The following AHR variants were observed in gnomAD, a reference collection of about 807,000 sequenced individuals.
The protein encoded by AHR is AH-receptor.
AHR carries 40 observed loss-of-function variants against 86.8 expected under a neutral mutation model. That is an observed-to-expected ratio of 0.46 (90% CI 0.36 to 0.60). The LOEUF is 0.60. Among genes scored for constraint, AHR ranks in the 20% least tolerant of loss-of-function variants. The probability of loss-of-function intolerance (pLI) is 0.00; values close to 1 mark genes in which losing one functional copy is unlikely to be tolerated. For missense variants in AHR, 1,001 were observed against 1,011.6 expected (o/e 0.99, Z 0.14); for synonymous variants, 398 against 354.9 (o/e 1.12, Z -1.37).
At chr7:17,336,317 G>A (rs141455224) in intron 9 of AHR, among the ~76,000 whole-genome samples, 234 of 152,006 alleles carry the variant, frequency 1.5e-3, no homozygotes, top group African/African-American at 2.8e-3. Context: ...ATTGTTTCCC[G>A]GCTGCGCTGT....
chr7:17,307,134 C>T lies in AHR; in HGVS notation c.66-2802C>T, dbSNP rs180792600. 2.0e-5 allele frequency among the ~76,000 whole-genome samples: 3 copies of T among 152,090 alleles called. No homozygotes were observed. In the East Asian group the frequency reaches 5.8e-4, roughly 29 times the overall value. ...GAGGCTGAATATTGCAAAGAGCCAG[C>T]ACAAGACAGGCAGCAGTACCACATG... On this transcript the variant is annotated intron_variant, in intron 1 of 10. Coordinates refer to ENST00000242057, the MANE Select transcript of AHR (RefSeq NM_001621.5).
intron 5 of AHR, 142 bp from the exon 6 acceptor site, chr7:17,330,614 T>TG: frequency 1.5e-6 from 1 of 650,284 alleles, no homozygotes; most frequent in Non-Finnish European, 2.3e-6. Flanking sequence ...TTTAGTTTCT[T>TG]GTCATTAGCT....
chr7:17,340,667 T>C (rs1475660177), intron 10 of AHR, among the ~76,000 whole-genome samples: 1 of 152,196 alleles, frequency 6.6e-6, no homozygotes, highest in Non-Finnish European at 1.5e-5. Context: ...TTTTTATATA[T>C]GTTTGAAATT....
At chr7:17,328,870 G>T (rs1433880402) in intron 4 of AHR, among the ~76,000 whole-genome samples, 1 of 151,916 alleles carries the variant, frequency 6.6e-6, no homozygotes, top group Non-Finnish European at 1.5e-5. Context: ...TTTAAGTGTA[G>T]ATGACTAAAG....
At chr7:17,308,007 G>T (rs147535271) in intron 1 of AHR, among the ~76,000 whole-genome samples, 1 of 152,044 alleles carries the variant, frequency 6.6e-6, no homozygotes, top group African/African-American at 2.4e-5. Flanking sequence ...TCACCCCTTA[G>T]TTTCTTACCT....
chr7:17,336,257 G>A (rs763499505), intron 9 of AHR, among the ~76,000 whole-genome samples: 3 of 151,770 alleles, frequency 2.0e-5, no homozygotes, highest in Non-Finnish European at 4.4e-5. Flanking sequence ...GCCATTATAC[G>A]TATACCCAAT....
chr7:17,315,084 A>G (rs769306696), intron 2 of AHR, among the ~76,000 whole-genome samples: 3 of 152,060 alleles, frequency 2.0e-5, no homozygotes, highest in African/African-American at 2.4e-5. Flanking sequence ...AGCTAAAACT[A>G]TATAAACCTA....
intron 8 of AHR, 88 bp downstream of exon 8, chr7:17,335,084 TAAGTA>T (rs1584041043): frequency 6.7e-6 from 6 of 900,794 alleles, no homozygotes; most frequent in Non-Finnish European, 1.0e-5. Context: ...GTAAAGTGTT[TAAGTA>T]AAGTATATGG....
At chr7:17,307,348 GA>G (rs1782016014) in intron 1 of AHR, among the ~76,000 whole-genome samples, 1 of 151,982 alleles carries the variant, frequency 6.6e-6, no homozygotes, top group African/African-American at 2.4e-5. Context: ...TTCCTTAATG[GA>G]ATCATTATAT....
chr7:17,332,761 C>A (rs1263898833), intron 6 of AHR, among the ~76,000 whole-genome samples: 1 of 151,720 alleles, frequency 6.6e-6, no homozygotes, highest in Non-Finnish European at 1.5e-5. Flanking sequence ...CTGCACCTGG[C>A]CAAAAGGAAA....
chr7:17,317,870 A>G (rs1782131751), intron 2 of AHR, among the ~76,000 whole-genome samples: 1 of 152,128 alleles, frequency 6.6e-6, no homozygotes, highest in Non-Finnish European at 1.5e-5. Context: ...CTCATTCCCC[A>G]CTGAAAAGGT....
rs1782403064 is a variant in AHR at position 17,340,084 on chromosome 7, T to C, written c.2259T>C (p.Asn753=). The C allele has an allele frequency of 6.2e-7, 1 of 1,614,008 alleles. No homozygotes were observed. Among genetic ancestry groups the C allele is most frequent in the African/African-American group, 1.3e-5 (1 of 74,890 alleles). The change falls in exon 10 of 11, where the codon AAT becomes AAC. Residue 753 remains asparagine, a synonymous_variant. Transcript: ENST00000242057. ...CTGAAAACCAAAAGCATGGATTAAA[T>C]CCACAGTCAGCCATAATAACTCCTC... is the stretch of plus-strand genomic sequence containing the variant. The part of the protein sequence containing the change: ...QLPENQKHGL[N]PQSAIITPQT...
intron 5 of AHR, among the ~76,000 whole-genome samples, chr7:17,330,348 A>G (rs1298133897): frequency 1.3e-5 from 2 of 151,960 alleles, no homozygotes; most frequent in African/African-American, 4.8e-5. Context: ...TTCATGAAAG[A>G]TGGAAGGAAG....
At chr7:17,333,881 T>C (rs769201930) in intron 6 of AHR, 31 bp from the exon 7 acceptor site, 2 of 1,576,288 alleles carry the variant, frequency 1.3e-6, no homozygotes, top group Non-Finnish European at 1.7e-6. Flanking sequence ...TTAATTTTAA[T>C]GAACTTTTTT....
intron 3 of AHR, among the ~76,000 whole-genome samples, chr7:17,325,265 TA>T (rs1174319897): frequency 6.6e-6 from 1 of 152,250 alleles, no homozygotes; most frequent in Non-Finnish European, 1.5e-5. Flanking sequence ...TTATTTCTGA[TA>T]ATAACATTTG....
chr7:17,320,068 A>C (rs1439140710), intron 2 of AHR, among the ~76,000 whole-genome samples: 1 of 152,120 alleles, frequency 6.6e-6, no homozygotes, highest in African/African-American at 2.4e-5. Flanking sequence ...TAGTAGTTAC[A>C]CATATTATCT....
intron 1 of AHR, among the ~76,000 whole-genome samples, chr7:17,301,175 T>A (rs150337291): frequency 9.9e-5 from 15 of 152,194 alleles, no homozygotes; most frequent in African/African-American, 3.4e-4. Flanking sequence ...TTGCTTCTAA[T>A]CATACAGATG....
intron 2 of AHR, among the ~76,000 whole-genome samples, chr7:17,316,635 T>C (rs557584851): frequency 6.6e-6 from 1 of 152,156 alleles, no homozygotes; most frequent in East Asian, 1.9e-4. Flanking sequence ...ACAAGTAGTC[T>C]GATGGGATTG....
At chr7:17,314,586 G>A (rs1249503904) in intron 2 of AHR, among the ~76,000 whole-genome samples, 1 of 151,964 alleles carries the variant, frequency 6.6e-6, no homozygotes, top group Non-Finnish European at 1.5e-5. Flanking sequence ...TTCAGCTTGT[G>A]CATTTCTCTG....
Sources: allele counts gnomAD v4.1 joint callset (sites outside exome capture counted in the v4.1 genomes callset), GRCh38; gene constraint gnomAD v4.1.1; transcripts MANE v1.5; gene names NCBI Gene and HGNC (gene_info 2026-07-23, HGNC 2026-07-21).